NKTR: variants seen among roughly 807,000 people sequenced by gnomAD.
NKTR encodes the protein natural killer cell triggering receptor.
Under a neutral mutation model 156.3 loss-of-function variants are expected in NKTR, and 67 were observed. The ratio of observed to expected loss-of-function variants is 0.43; its 90% CI spans 0.35 to 0.53. The LOEUF (loss-of-function observed/expected upper bound fraction) is 0.53. NKTR is among the 20% of genes least tolerant of loss of function. The probability of loss-of-function intolerance (pLI) is 0.01; values close to 1 mark genes in which losing one functional copy is unlikely to be tolerated. For synonymous variants in NKTR, 640 were observed against 596.6 expected (o/e 1.07, Z -1.06); for missense variants, 1,604 against 1,730.9 (o/e 0.93, Z 1.30).
chr3:42,600,939 CG>C, intron 1 of NKTR, 44 bp from the exon 2 acceptor site: 1 of 1,254,938 alleles, frequency 8.0e-7, no homozygotes. Context: ...CCCTCGCCCC[CG>C]CCCTCGCCCC....
At chr3:42,632,981 A>G in intron 9 of NKTR, 158 bp downstream of exon 9, 2 of 1,307,152 alleles carry the variant, frequency 1.5e-6, no homozygotes, top group East Asian at 2.9e-5. Flanking sequence ...AGGAGTAGGT[A>G]GCATAGGCAT....
At chr3:42,615,117 C>T (rs1015037619) in intron 2 of NKTR, among the ~76,000 whole-genome samples, 1 of 149,216 alleles carries the variant, frequency 6.7e-6, no homozygotes, top group African/African-American at 2.5e-5. Flanking sequence ...CTTACTGTGT[C>T]GCGCAGGCTG....
intron 6 of NKTR, 87 bp downstream of exon 6, chr3:42,621,603 TG>T: frequency 7.3e-7 from 1 of 1,374,648 alleles, no homozygotes; most frequent in Non-Finnish European, 9.8e-7. Context: ...CCAAGTTTAA[TG>T]CTAAAATTCT....
At position 42,621,582 on chromosome 3, in the gene NKTR, G is replaced by T. The variant is rs548420899; in HGVS notation, c.374+66G>T. The T allele has an allele frequency of 3.0e-3, 4,538 of 1,535,308 alleles. 9 individuals carry two copies. Among genetic ancestry groups the T allele is most frequent in the Non-Finnish European group, 3.7e-3 (4,266 of 1,143,608 alleles). On this transcript the variant is annotated intron_variant, in intron 6 of 16. Transcript: ENST00000232978. ...AGAAGCGCTGTTCATAAGAAAGATGGTATAGTTAAACCAAGTTTAATGCTA... is the reference window on the plus strand; with the variant it reads ...AGAAGCGCTGTTCATAAGAAAGATGTTATAGTTAAACCAAGTTTAATGCTA...
At position 42,627,657 on chromosome 3, in the gene NKTR, G is replaced by A. The variant is rs1038738048; in HGVS notation, c.375-2889G>A. 8 of 983,954 alleles carry A rather than the reference G, an allele frequency of 8.1e-6. No individual in the cohort carries two copies. The South Asian group carries it at 1.9e-4, about 23-fold the overall frequency. 61.0% of individuals were successfully genotyped at this position (983,954 alleles called of 1,614,324 possible). On this transcript the variant is annotated intron_variant, in intron 6 of 16. Coordinates refer to ENST00000232978, the MANE Select transcript of NKTR (RefSeq NM_005385.4). Reference sequence around the variant, plus strand: ...GTTTTTTAAAGTAGATTCAGGGGTCGGGAAAACTGAAAAATCACTGTCTTT... The same window carrying A: ...GTTTTTTAAAGTAGATTCAGGGGTCAGGAAAACTGAAAAATCACTGTCTTT...
chr3:42,643,864 G>T (rs764617565), intron 15 of NKTR, 38 bp from the exon 16 acceptor site: 1 of 1,454,314 alleles, frequency 6.9e-7, no homozygotes, highest in South Asian at 1.1e-5. Context: ...GAGTATCTGA[G>T]TGGGAAAATT....
intron 5 of NKTR, chr3:42,620,057 G>A: frequency 6.5e-7 from 1 of 1,534,344 alleles, no homozygotes; most frequent in Non-Finnish European, 8.7e-7. Flanking sequence ...AGAGAACGAA[G>A]CTCAGTAACA....
chr3:42,616,936 G>A (rs893170525), intron 2 of NKTR, among the ~76,000 whole-genome samples: 4 of 151,996 alleles, frequency 2.6e-5, no homozygotes, highest in African/African-American at 4.8e-5. Flanking sequence ...AAAATTTTTT[G>A]TAGAGACAGG....
intron 13 of NKTR, among the ~76,000 whole-genome samples, chr3:42,641,973 TTTG>T (rs1709928709): frequency 6.6e-6 from 1 of 152,198 alleles, no homozygotes; most frequent in Non-Finnish European, 1.5e-5. Flanking sequence ...TGGTTATAAT[TTTG>T]TTGTCTTTCT....
chr3:42,618,082 G>T (rs1212945011), intron 3 of NKTR, among the ~76,000 whole-genome samples: 2 of 152,058 alleles, frequency 1.3e-5, no homozygotes, highest in Non-Finnish European at 2.9e-5. Context: ...CGGGTGCGGT[G>T]GCTCAAGCCT....
chr3:42,638,794 T>G lies in NKTR; in HGVS notation c.3090T>G (p.Ile1030Met), dbSNP rs1202182114. 5 of 1,611,854 alleles carry G rather than the reference T, an allele frequency of 3.1e-6. No individual in the cohort carries two copies. The highest frequency in any genetic ancestry group is 1.7e-5 in the Admixed American group (1 of 59,490). The change falls in exon 13 of 17, where the codon ATT becomes ATG. Residue 1030 changes from isoleucine (I) to methionine (M), a missense_variant. Around this residue, in one of 6 missense-constraint regions of NKTR, gnomAD observed 1,255 missense variants for 1,243.7 expected, o/e 1.01. Transcript: ENST00000232978. ...TTGGTGAAGAGGAGGAGGAGGAGATTGATGACAAGCAAGTTACTCAGGAAT... is the reference window on the plus strand; with the variant it reads ...TTGGTGAAGAGGAGGAGGAGGAGATGGATGACAAGCAAGTTACTCAGGAAT... ...LEFGEEEEEE[I>M]DDKQVTQESK...
chr3:42,619,933 T>C, intron 5 of NKTR: 2 of 1,479,554 alleles, frequency 1.4e-6, no homozygotes, highest in Non-Finnish European at 1.8e-6. Flanking sequence ...AAACATGACT[T>C]TCAGCATGGA....
intron 2 of NKTR, among the ~76,000 whole-genome samples, chr3:42,615,146 T>C (rs1434682274): frequency 6.6e-6 from 1 of 151,526 alleles, no homozygotes; most frequent in East Asian, 1.9e-4. Flanking sequence ...TGATGCAACC[T>C]CAGCTCACTG....
In NKTR at chr3:42,648,330, C is replaced by G. The variant is rs1173871681; in HGVS notation, c.*2355C>G. On this transcript the variant is annotated 3_prime_UTR_variant, in exon 17 of 17. Transcript: ENST00000232978. ...TCTGCCTACCACAGGCAATAACTGC[C>G]CATCTCAGCTGTAGGTGGAATTTTT... is the stretch of plus-strand genomic sequence containing the variant. 1 of 152,160 alleles carries G rather than the reference C, an allele frequency of 6.6e-6. No individual in the cohort carries two copies. The highest frequency in any genetic ancestry group is 1.5e-5 in the Non-Finnish European group (1 of 68,038). The allele number at this position is 152,160 out of a possible 1,614,324, so 9.4% of individuals were successfully genotyped here. A position where few individuals can be genotyped will look rare whatever the true frequency, so the allele number is the denominator to read the frequency against.
At chr3:42,643,542 C>G in intron 15 of NKTR, 147 bp downstream of exon 15, 1 of 685,156 alleles carries the variant, frequency 1.5e-6, no homozygotes, top group East Asian at 2.7e-5. Flanking sequence ...GAGGTCTGTT[C>G]GACAAGTTTT....
chr3:42,600,972 CCT>C lies in NKTR; in HGVS notation c.-23-6_-23-5del. 7 of 1,515,174 alleles carry C rather than the reference CCT, an allele frequency of 4.6e-6. No homozygotes were observed. The highest frequency in any genetic ancestry group is 6.2e-6 in the Non-Finnish European group (7 of 1,129,106). 93.9% of individuals were successfully genotyped at this position (1,515,174 alleles called of 1,614,324 possible). A position where few individuals can be genotyped will look rare whatever the true frequency, so the allele number is the denominator to read the frequency against. ...CCCCTGCCCTGACCGCTTTTCTCCC[CCT>C]CTCTCCCAGCTCTTGCCGCCACCTC... is the stretch of plus-strand genomic sequence containing the variant. On this transcript the variant is annotated splice_polypyrimidine_tract_variant and intron_variant, in intron 1 of 16. Transcript: ENST00000232978.
Position 42,638,869 on chromosome 3 carries a change from T to C in NKTR, c.3165T>C (p.Ile1055=), listed in dbSNP as rs766504800. 2.5e-6 allele frequency: 4 copies of C among 1,606,754 alleles called. No individual in the cohort carries two copies. The highest frequency in any genetic ancestry group is 3.4e-6 in the Non-Finnish European group (4 of 1,178,008). Reference sequence around the variant, plus strand: ...ACAATGAAACCATAAAAGATAATATTCTAAAAACTGAGAAATCCAGTGAAG... The same window carrying C: ...ACAATGAAACCATAAAAGATAATATCCTAAAAACTGAGAAATCCAGTGAAG... The part of the protein sequence containing the change: ...SENNETIKDN[I]LKTEKSSEED... Residue 1055 remains isoleucine (I), a synonymous_variant, in exon 13 of 17, where the codon ATT becomes ATC. Transcript: ENST00000232978.
chr3:42,629,224 T>C (rs981567360), intron 6 of NKTR: 2 of 983,722 alleles, frequency 2.0e-6, no homozygotes, highest in African/African-American at 3.5e-5. Flanking sequence ...TTGTTCTGTT[T>C]TCTTTTTGCT....
chr3:42,613,694 C>T (rs1257161006), intron 2 of NKTR, among the ~76,000 whole-genome samples: 3 of 150,456 alleles, frequency 2.0e-5, no homozygotes, highest in African/African-American at 7.4e-5. Flanking sequence ...TTATTCCTTT[C>T]ACCTAGTGGC....
Sources: allele counts gnomAD v4.1 joint callset (sites outside exome capture counted in the v4.1 genomes callset), GRCh38; gene constraint gnomAD v4.1.1; regional missense constraint gnomAD v4.1.1; transcripts MANE v1.5; gene names NCBI Gene and HGNC (gene_info 2026-07-23, HGNC 2026-07-21).